Variants in ADCK1 observed in about 807,000 individuals in gnomAD.
The protein encoded by ADCK1 is aarF domain-containing protein kinase 1.
ADCK1 carries 41 observed loss-of-function variants against 52.3 expected under a neutral mutation model. That is an observed-to-expected ratio of 0.78 (90% CI 0.61 to 1.02). The LOEUF (loss-of-function observed/expected upper bound fraction) is 1.02, where lower values mean the gene tolerates loss of function less well. Among genes scored for constraint, ADCK1 ranks in the 50% least tolerant of loss-of-function variants. ADCK1 has a pLI of 0.00. For synonymous variants in ADCK1, 250 were observed against 274.6 expected, an observed-to-expected ratio of 0.91 and a Z score of 0.89; for missense variants, 658 against 679.5, an observed-to-expected ratio of 0.97 and a Z score of 0.35.
chr14:77,847,084 A>C (rs999564616), intron 3 of ADCK1, among the ~76,000 whole-genome samples: 5 of 152,148 alleles, frequency 3.3e-5, no homozygotes, highest in African/African-American at 1.2e-4. Flanking sequence ...GTCCAGGCTG[A>C]GAGGATTTTT....
chr14:77,810,810 C>T (rs1052586361), intron 1 of ADCK1, among the ~76,000 whole-genome samples: 2 of 152,274 alleles, frequency 1.3e-5, no homozygotes, highest in African/African-American at 2.4e-5. Context: ...GGATTACAGG[C>T]GTGAGCCTCC....
intron 3 of ADCK1, among the ~76,000 whole-genome samples, chr14:77,838,687 T>C (rs1354724835): frequency 2.6e-5 from 4 of 152,192 alleles, no homozygotes; most frequent in Admixed American, 2.6e-4. Flanking sequence ...CGTGAGCCAC[T>C]GCACCTGCTC....
intron 7 of ADCK1, among the ~76,000 whole-genome samples, chr14:77,916,836 A>T (rs1393099821): frequency 3.9e-5 from 6 of 152,224 alleles, no homozygotes; most frequent in Non-Finnish European, 8.8e-5. Context: ...CCACCCATGG[A>T]CAAGTTTGGA....
intron 7 of ADCK1, among the ~76,000 whole-genome samples, chr14:77,910,205 C>A (rs1290369969): frequency 6.6e-6 from 1 of 152,104 alleles, no homozygotes; most frequent in Admixed American, 6.6e-5. Context: ...TTTGCCAATG[C>A]GTGAGCTGCC....
At position 77,933,477 on chromosome 14, in the gene ADCK1, C is replaced by A; in HGVS notation, c.*86C>A. ...CTCCACCCAGCTGCTCCATTTTTGCCACATCGTGGCCCGCAGCCCCAGAGT... is the reference window on the plus strand; with the variant it reads ...CTCCACCCAGCTGCTCCATTTTTGCAACATCGTGGCCCGCAGCCCCAGAGT... On this transcript the variant is annotated 3_prime_UTR_variant, in exon 11 of 11. Coordinates refer to ENST00000238561, the MANE Select transcript of ADCK1 (RefSeq NM_020421.4). 3.9e-6 allele frequency: 6 copies of A among 1,540,978 alleles called. No homozygotes were observed. Among genetic ancestry groups the A allele is most frequent in the Non-Finnish European group, 5.3e-6 (6 of 1,123,326 alleles).
intron 3 of ADCK1, among the ~76,000 whole-genome samples, chr14:77,848,281 T>G (rs184581257): frequency 1.3e-5 from 2 of 152,268 alleles, no homozygotes; most frequent in African/African-American, 4.8e-5. Context: ...TGTTTTGCAA[T>G]TAGAGGGCAA....
chr14:77,870,128 T>A (rs1183075978), intron 4 of ADCK1, among the ~76,000 whole-genome samples: 1 of 152,278 alleles, frequency 6.6e-6, no homozygotes, highest in African/African-American at 2.4e-5. Flanking sequence ...TGGCTGGATG[T>A]GTTACAGATA....
chr14:77,852,905 ATAT>A (rs1566668048), intron 3 of ADCK1, among the ~76,000 whole-genome samples: 4 of 28,448 alleles, frequency 1.4e-4, no homozygotes, highest in African/African-American at 7.8e-4. Flanking sequence ...ATATATATAT[ATAT>A]TTTTTTTTTT....
At chr14:77,827,517 C>T (rs2081741318) in intron 3 of ADCK1, among the ~76,000 whole-genome samples, 1 of 151,620 alleles carries the variant, frequency 6.6e-6, no homozygotes, top group South Asian at 2.1e-4. Context: ...CGAATGAGTC[C>T]TTATATACTG....
chr14:77,887,123 C>A lies in ADCK1; in HGVS notation c.456C>A (p.Thr152=), dbSNP rs772829815. 6.2e-7 allele frequency: 1 copy of A among 1,602,686 alleles called. No homozygotes were observed. ...IHDLFQSFDD[T]PLGTASLAQV... ...ATTTGTTCCAGAGCTTCGATGACAC[C>A]CCTCTGGGGACGGCCTCCCTGGCCC... The change falls in exon 5 of 11, where the codon ACC becomes ACA. Residue 152 remains threonine (T), a synonymous_variant. Coordinates refer to ENST00000238561, the MANE Select transcript of ADCK1 (RefSeq NM_020421.4).
chr14:77,852,335 T>G (rs961129758), intron 3 of ADCK1, among the ~76,000 whole-genome samples: 2 of 152,104 alleles, frequency 1.3e-5, no homozygotes, highest in African/African-American at 4.8e-5. Context: ...AGATGTTATC[T>G]CCTACAGTTT....
chr14:77,885,314 G>T (rs2083124081), intron 4 of ADCK1, among the ~76,000 whole-genome samples: 1 of 152,162 alleles, frequency 6.6e-6, no homozygotes, highest in African/African-American at 2.4e-5. Context: ...TGTGTTTTTG[G>T]GGGAGCAGGG....
At chr14:77,914,698 G>A (rs1238108339) in intron 7 of ADCK1, among the ~76,000 whole-genome samples, 1 of 152,182 alleles carries the variant, frequency 6.6e-6, no homozygotes, top group African/African-American at 2.4e-5. Flanking sequence ...CTATGCAGTT[G>A]GAGAGATAAC....
At chr14:77,892,657 A>C (rs1165681871) in intron 5 of ADCK1, among the ~76,000 whole-genome samples, 2 of 151,212 alleles carry the variant, frequency 1.3e-5, no homozygotes, top group Non-Finnish European at 2.9e-5. Context: ...AAAAAAAGAG[A>C]TCCCTAGCAG....
At chr14:77,865,130 G>C (rs1214452059) in intron 4 of ADCK1, among the ~76,000 whole-genome samples, 1 of 117,024 alleles carries the variant, frequency 8.5e-6, no homozygotes, top group African/African-American at 3.4e-5. Context: ...AAAAAAAAAA[G>C]TTAAAAAAAT....
chr14:77,876,605 T>C (rs115667100), intron 4 of ADCK1, among the ~76,000 whole-genome samples: 6,657 of 152,288 alleles, frequency 0.044, 296 homozygotes, highest in African/African-American at 0.11. Context: ...ACCTCTGTAG[T>C]GGTGGCACAA....
intron 3 of ADCK1, among the ~76,000 whole-genome samples, chr14:77,829,975 G>C (rs2081806058): frequency 6.6e-6 from 1 of 151,130 alleles, no homozygotes. Context: ...TGGAGACTAG[G>C]AGAGTGAAGG....
At chr14:77,913,352 C>T (rs1044426996) in intron 7 of ADCK1, among the ~76,000 whole-genome samples, 2 of 152,216 alleles carry the variant, frequency 1.3e-5, no homozygotes, top group African/African-American at 2.4e-5. Flanking sequence ...CCGAGACAGC[C>T]CTGCCCAGGG....
rs527618843 is a variant in ADCK1 at position 77,886,667 on chromosome 14, G to A, written c.424-424G>A. On this transcript the variant is annotated intron_variant, in intron 4 of 10. Coordinates refer to ENST00000238561, the MANE Select transcript of ADCK1 (RefSeq NM_020421.4). ...CTGGAGGCTGGGTGCAGTGGCTCAC[G>A]CCTGTAATCCTAGCACTTTGGGAGG... Among the ~76,000 whole-genome samples, 6 of 152,216 alleles carry A rather than the reference G, an allele frequency of 3.9e-5. No individual in the cohort carries two copies. In the South Asian group the frequency reaches 1.0e-3, roughly 26 times the overall value.
Sources: allele counts gnomAD v4.1 joint callset (sites outside exome capture counted in the v4.1 genomes callset), GRCh38; gene constraint gnomAD v4.1.1; transcripts MANE v1.5; gene names NCBI Gene and HGNC (gene_info 2026-07-23, HGNC 2026-07-21).